KIAA0319: variants seen among roughly 807,000 people sequenced by gnomAD.
The protein encoded by KIAA0319 is dyslexia-associated protein KIAA0319.
KIAA0319 carries 83 observed loss-of-function variants against 108.4 expected under a neutral mutation model. The observed-to-expected ratio is 0.77, with a 90% CI of 0.64 to 0.92. The LOEUF (loss-of-function observed/expected upper bound fraction) is 0.92, where lower values mean the gene tolerates loss of function less well. KIAA0319 is among the 40% of genes least tolerant of loss of function. The pLI, the probability that KIAA0319 is intolerant of heterozygous loss-of-function variation, is 0.00. For synonymous variants in KIAA0319, 484 were observed against 510.4 expected (o/e 0.95, Z 0.70); for missense variants, 1,195 against 1,322.4 (o/e 0.90, Z 1.49).
At chr6:24,564,156 G>T in intron 15 of KIAA0319, 46 bp downstream of exon 15, 2 of 1,612,342 alleles carry the variant, frequency 1.2e-6, no homozygotes, top group South Asian at 2.2e-5. Flanking sequence ...CCCAAAGGCT[G>T]ACCAGCCAGA....
intron 4 of KIAA0319, among the ~76,000 whole-genome samples, chr6:24,587,024 C>T (rs1201999923): frequency 2.6e-5 from 4 of 152,172 alleles, no homozygotes; most frequent in Admixed American, 2.6e-4. Flanking sequence ...CAACTATCAC[C>T]TCCACACCGA....
rs144288503 is a variant in KIAA0319 at position 24,582,211 on chromosome 6, G to A, written c.1191+38C>T. ...TATTAACTGAGCTCTATGCCGTTAC[G>A]CTGTGCTGTTAGACACAACCAGTCT... On this transcript the variant is annotated intron_variant, in intron 6 of 20. Coordinates refer to ENST00000378214, the MANE Select transcript of KIAA0319 (RefSeq NM_014809.4). The A allele has an allele frequency of 1.3e-4, 153 of 1,133,928 alleles. No homozygotes were observed. In the African/African-American group the frequency reaches 2.1e-3, roughly 16 times the overall value. 70.2% of individuals were successfully genotyped at this position (1,133,928 alleles called of 1,614,324 possible).
intron 1 of KIAA0319, among the ~76,000 whole-genome samples, chr6:24,644,193 G>A (rs752588387): frequency 1.2e-4 from 19 of 152,276 alleles, no homozygotes; most frequent in Middle Eastern, 3.4e-3. Flanking sequence ...TGAGTGAGTG[G>A]GTGTGTCTGT....
chr6:24,602,334 A>C (rs139920538), intron 1 of KIAA0319, among the ~76,000 whole-genome samples: 201 of 152,328 alleles, frequency 1.3e-3, no homozygotes, highest in Non-Finnish European at 2.6e-3. Flanking sequence ...TCTAACACAT[A>C]AATATTTTCA....
At chr6:24,587,406 A>G (rs1000377251) in intron 4 of KIAA0319, among the ~76,000 whole-genome samples, 4 of 151,744 alleles carry the variant, frequency 2.6e-5, no homozygotes, top group Admixed American at 2.6e-4. Flanking sequence ...TCAGCCTCCC[A>G]AGTAGCTGGG....
At chr6:24,642,301 AAAAG>A (rs1397806932) in intron 1 of KIAA0319, among the ~76,000 whole-genome samples, 4 of 152,154 alleles carry the variant, frequency 2.6e-5, no homozygotes, top group South Asian at 2.1e-4. Flanking sequence ...AGAAGAAAAG[AAAAG>A]AAAGACATTT....
chr6:24,601,791 A>G (rs1413723339), intron 1 of KIAA0319, among the ~76,000 whole-genome samples: 1 of 152,228 alleles, frequency 6.6e-6, no homozygotes, highest in Non-Finnish European at 1.5e-5. Context: ...GTTACTGTTT[A>G]GCTTCCAGGA....
intron 16 of KIAA0319, among the ~76,000 whole-genome samples, chr6:24,560,355 C>T (rs189242987): frequency 1.6e-4 from 24 of 152,320 alleles, no homozygotes; most frequent in Admixed American, 6.5e-4. Context: ...TCCACAGGCT[C>T]GCCAGCACTT....
At chr6:24,559,500 T>A (rs1229117387) in intron 16 of KIAA0319, among the ~76,000 whole-genome samples, 2 of 152,178 alleles carry the variant, frequency 1.3e-5, no homozygotes, top group East Asian at 3.8e-4. Context: ...AAGTGTTACA[T>A]CCATGGGGAT....
At chr6:24,553,054 G>C (rs1326591480) in intron 19 of KIAA0319, among the ~76,000 whole-genome samples, 1 of 152,048 alleles carries the variant, frequency 6.6e-6, no homozygotes, top group East Asian at 1.9e-4. Context: ...AGGCTTCTCA[G>C]GGGTCAGCTC....
intron 12 of KIAA0319, among the ~76,000 whole-genome samples, chr6:24,569,577 T>C (rs888615721): frequency 5.3e-5 from 8 of 152,228 alleles, no homozygotes; most frequent in Admixed American, 6.5e-5. Flanking sequence ...TACACTGCAC[T>C]TCTGGTGTCT....
At chr6:24,624,752 C>G (rs1371182078) in intron 1 of KIAA0319, among the ~76,000 whole-genome samples, 1 of 152,194 alleles carries the variant, frequency 6.6e-6, no homozygotes, top group Non-Finnish European at 1.5e-5. Flanking sequence ...TATTCAGGTT[C>G]TGCCAATGAA....
At chr6:24,641,547 G>C (rs1473295467) in intron 1 of KIAA0319, among the ~76,000 whole-genome samples, 1 of 152,160 alleles carries the variant, frequency 6.6e-6, no homozygotes, top group Non-Finnish European at 1.5e-5. Flanking sequence ...TTGAAGACTA[G>C]TTAACCTAGT....
At chr6:24,628,908 T>C (rs1775103688) in intron 1 of KIAA0319, among the ~76,000 whole-genome samples, 1 of 152,150 alleles carries the variant, frequency 6.6e-6, no homozygotes, top group African/African-American at 2.4e-5. Flanking sequence ...AACCTCTTCT[T>C]GATACCATCC....
In KIAA0319 at chr6:24,599,421, G is replaced by A. The variant is rs1342241958; in HGVS notation, c.55+1628C>T. The A allele has an allele frequency of 1.8e-6, 1 of 551,198 alleles. No individual in the cohort carries two copies. The highest frequency in any genetic ancestry group is 3.5e-6 in the Non-Finnish European group (1 of 286,710). The allele number at this position is 551,198 out of a possible 1,614,324, so 34.1% of individuals were successfully genotyped here. ...TGCCAATGCCAAGCTGTCCAAGCTG[G>A]AGGCCACCCTGCAGTGGGCCATGCA... On this transcript the variant is annotated intron_variant, in intron 2 of 20. Transcript: ENST00000378214. This position sits in a 1 kb window ranked among gnomAD's most constrained non-coding sequence, Gnocchi z 4.1.
chr6:24,589,274 G>A (rs35380319), intron 3 of KIAA0319, among the ~76,000 whole-genome samples: 44,843 of 151,966 alleles, frequency 0.3, 8,434 homozygotes, highest in Non-Finnish European at 0.41. Context: ...TTCCTTGTAA[G>A]CACACAGCAA....
chr6:24,566,446 T>C, intron 14 of KIAA0319, 151 bp downstream of exon 14: 2 of 592,772 alleles, frequency 3.4e-6, no homozygotes, highest in Non-Finnish European at 5.1e-6. Context: ...CCAGCCTCCA[T>C]AATGGAGACA....
intron 1 of KIAA0319, among the ~76,000 whole-genome samples, chr6:24,627,941 G>A: frequency 6.6e-6 from 1 of 152,198 alleles, no homozygotes; most frequent in East Asian, 1.9e-4. Flanking sequence ...CTGAAGACAT[G>A]TCCTGAATGT....
Position 24,599,753 on chromosome 6 carries a change from A to T in KIAA0319, c.55+1296T>A. On this transcript the variant is annotated intron_variant, in intron 2 of 20. Transcript: ENST00000378214. This position sits in a 1 kb window ranked among gnomAD's most constrained non-coding sequence, Gnocchi z 4.1. ...AGAAGATCGAGATTTGTGATAGGAA[A>T]CTGGTGTCTGAGTCCTCTGATGTTC... The T allele has an allele frequency of 1.9e-6, 1 of 535,672 alleles. No homozygotes were observed. The highest frequency in any genetic ancestry group is 2.4e-5 in the Admixed American group (1 of 41,278). The allele number at this position is 535,672 out of a possible 1,614,324, so 33.2% of individuals were successfully genotyped here.
Sources: allele counts gnomAD v4.1 joint callset (sites outside exome capture counted in the v4.1 genomes callset), GRCh38; gene constraint gnomAD v4.1.1; non-coding constraint Gnocchi (gnomAD v3.1); transcripts MANE v1.5; gene names NCBI Gene and HGNC (gene_info 2026-07-23, HGNC 2026-07-21).